Variants in NAA15 observed in about 807,000 individuals in gnomAD.
NAA15 encodes N-alpha-acetyltransferase 15, NatA auxiliary subunit.
Under a neutral mutation model 114.0 loss-of-function variants are expected in NAA15, and 34 were observed. That is an observed-to-expected ratio of 0.30 (90% CI 0.23 to 0.40). NAA15 has a LOEUF of 0.40. Among genes scored for constraint, NAA15 ranks in the 10% least tolerant of loss-of-function variants. The pLI is 1.00. For missense variants in NAA15, 658 were observed against 1,004.5 expected (o/e 0.66, Z 4.66); for synonymous variants, 340 against 338.0 (o/e 1.01, Z -0.06).
intron 17 of NAA15, among the ~76,000 whole-genome samples, chr4:139,381,635 C>G (rs17050755): frequency 6.6e-6 from 1 of 151,762 alleles, no homozygotes; most frequent in Non-Finnish European, 1.5e-5. Flanking sequence ...TAATCACTTA[C>G]TCGGTTGTAC....
chr4:139,349,499 T>C lies in NAA15; in HGVS notation c.729T>C (p.Ala243=). The change falls in exon 7 of 20, where the codon GCT becomes GCC. Residue 243 remains alanine (A), a synonymous_variant. Coordinates refer to ENST00000296543, the MANE Select transcript of NAA15 (RefSeq NM_057175.5). ...TGCAACTATGTCGTTTGGAAGATGC[T>C]GCAGATGTTTATAGAGGATTGCAAG... ...LLLQLCRLED[A]ADVYRGLQER... 1 of 1,610,556 alleles carries C rather than the reference T, an allele frequency of 6.2e-7. No individual in the cohort carries two copies. Among genetic ancestry groups the C allele is most frequent in the Non-Finnish European group, 8.5e-7 (1 of 1,178,960 alleles).
At chr4:139,309,906 T>C (rs1280690732) in intron 1 of NAA15, among the ~76,000 whole-genome samples, 3 of 152,212 alleles carry the variant, frequency 2.0e-5, no homozygotes, top group East Asian at 3.9e-4. Flanking sequence ...TCCTGGGTCA[T>C]TATTGGGGCT....
At chr4:139,386,972 A>G (rs566424544) in intron 19 of NAA15, among the ~76,000 whole-genome samples, 2 of 152,350 alleles carry the variant, frequency 1.3e-5, no homozygotes, top group East Asian at 3.9e-4. Context: ...TAGCTACCTC[A>G]TGTTATAATT....
chr4:139,337,360 A>G (rs1229539112), intron 3 of NAA15, among the ~76,000 whole-genome samples: 3 of 152,222 alleles, frequency 2.0e-5, no homozygotes, highest in African/African-American at 7.2e-5. Context: ...ACCCTGGTTT[A>G]GAGCACAAGC....
intron 15 of NAA15, among the ~76,000 whole-genome samples, 163 bp from the exon 16 acceptor site, chr4:139,376,202 C>A (rs1748576158): frequency 6.6e-6 from 1 of 152,074 alleles, no homozygotes; most frequent in South Asian, 2.1e-4. Context: ...TTCTAGAATT[C>A]AAAATCCCCT....
intron 17 of NAA15, among the ~76,000 whole-genome samples, 195 bp from the exon 18 acceptor site, chr4:139,384,636 TC>T (rs1242886271): frequency 6.6e-6 from 1 of 151,968 alleles, no homozygotes; most frequent in East Asian, 1.9e-4. Flanking sequence ...ACACCTGAAG[TC>T]CCAGCTACCT....
intron 11 of NAA15, among the ~76,000 whole-genome samples, chr4:139,359,005 T>C (rs1395950809): frequency 6.6e-6 from 1 of 151,222 alleles, no homozygotes; most frequent in Non-Finnish European, 1.5e-5. Flanking sequence ...CTCGGGAGGC[T>C]GAGGCAGGAG....
At position 139,361,826 on chromosome 4, in the gene NAA15, C is replaced by G; in HGVS notation, c.1642C>G (p.Leu548Val). Residue 548 changes from leucine to valine, a missense_variant, in exon 14 of 20, where the codon CTT (leucine) becomes GTT (valine). Around this residue, in one of 6 missense-constraint regions of NAA15, gnomAD observed 275 missense variants for 371.1 expected, o/e 0.74. Coordinates refer to ENST00000296543, the MANE Select transcript of NAA15 (RefSeq NM_057175.5). ...GGACTTATTAAAACTAGAAGATGTA[C>G]TTCGACAGCATCCATTTTACTTCAA... ...YVDLLKLEDV[L>V]RQHPFYFKAA... The G allele has an allele frequency of 6.2e-7, 1 of 1,613,280 alleles. No individual in the cohort carries two copies. The highest frequency in any genetic ancestry group is 8.5e-7 in the Non-Finnish European group (1 of 1,179,436).
chr4:139,313,879 A>T (rs1398615680), intron 1 of NAA15, among the ~76,000 whole-genome samples: 1 of 151,902 alleles, frequency 6.6e-6, no homozygotes, highest in African/African-American at 2.4e-5. Flanking sequence ...AGGTAATTCC[A>T]CTGTATCGGG....
chr4:139,358,552 T>C (rs1043527913), intron 11 of NAA15, among the ~76,000 whole-genome samples: 3 of 152,030 alleles, frequency 2.0e-5, no homozygotes, highest in Admixed American at 2.0e-4. Flanking sequence ...TATTTTTAGA[T>C]TTTTTAAAAA....
chr4:139,317,788 A>G (rs1579087748), intron 1 of NAA15, among the ~76,000 whole-genome samples: 2 of 152,192 alleles, frequency 1.3e-5, no homozygotes, highest in East Asian at 1.9e-4. Context: ...GTTTTACCCC[A>G]TTGTTCTCTC....
intron 15 of NAA15, among the ~76,000 whole-genome samples, chr4:139,370,898 C>T (rs1025719230): frequency 2.0e-5 from 3 of 152,146 alleles, no homozygotes; most frequent in Non-Finnish European, 4.4e-5. Flanking sequence ...CTCCCATTTA[C>T]CTCTGTTGTC....
At chr4:139,380,186 T>C (rs1159408006) in intron 17 of NAA15, among the ~76,000 whole-genome samples, 3 of 152,036 alleles carry the variant, frequency 2.0e-5, no homozygotes, top group African/African-American at 7.2e-5. Context: ...ATGAAAGTAA[T>C]AATGTAACCA....
chr4:139,361,201 C>T (rs1008907081), intron 13 of NAA15, among the ~76,000 whole-genome samples: 4 of 151,994 alleles, frequency 2.6e-5, no homozygotes, highest in Non-Finnish European at 4.4e-5. Flanking sequence ...GTATAGAATA[C>T]CAAAGCTTAG....
chr4:139,329,659 G>C (rs541384015), intron 1 of NAA15, among the ~76,000 whole-genome samples: 1 of 152,360 alleles, frequency 6.6e-6, no homozygotes, highest in African/African-American at 2.4e-5. Flanking sequence ...CATGTGGGCT[G>C]TGAGAATTGT....
Position 139,361,860 on chromosome 4 carries a change from G to T in NAA15, c.1676G>T (p.Arg559Ile), listed in dbSNP as rs1297402311. 2 of 1,613,748 alleles carry T rather than the reference G, an allele frequency of 1.2e-6. No individual in the cohort carries two copies. The highest frequency in any genetic ancestry group is 4.5e-5 in the East Asian group (2 of 44,782). ...CATCCATTTTACTTCAAGGCAGCAAGAATTGCTATAGAGATCTATTTGAAG... is the reference window on the plus strand; with the variant it reads ...CATCCATTTTACTTCAAGGCAGCAATAATTGCTATAGAGATCTATTTGAAG... ...RQHPFYFKAA[R>I]IAIEIYLKLH... Residue 559 changes from arginine (R) to isoleucine (I), a missense_variant, in exon 14 of 20, where the codon AGA becomes ATA. Physicochemically the swap from Arg to Ile is moderately conservative, Grantham distance 97. Coordinates refer to ENST00000296543, the MANE Select transcript of NAA15 (RefSeq NM_057175.5).
chr4:139,372,002 G>T (rs895377826), intron 15 of NAA15, among the ~76,000 whole-genome samples: 1 of 152,064 alleles, frequency 6.6e-6, no homozygotes, highest in Non-Finnish European at 1.5e-5. Flanking sequence ...TGCAAGCTCC[G>T]CCTCCCAGGT....
intron 15 of NAA15, 97 bp downstream of exon 15, chr4:139,370,501 G>T: frequency 1.7e-6 from 2 of 1,174,244 alleles, no homozygotes; most frequent in Non-Finnish European, 2.2e-6. Flanking sequence ...AACCTTATGT[G>T]ATATAGGTTT....
intron 4 of NAA15, 104 bp downstream of exon 4, chr4:139,341,173 T>A: frequency 1.2e-6 from 1 of 854,990 alleles, no homozygotes; most frequent in Non-Finnish European, 1.7e-6. Context: ...GAAAATAATT[T>A]AATTGAATTT....
Sources: gnomAD v4.1 joint callset for allele counts (sites outside exome capture counted in the v4.1 genomes callset) on GRCh38, gnomAD v4.1.1 for gene constraint, gnomAD v4.1.1 regional missense constraint, MANE v1.5 for transcripts, NCBI Gene and HGNC (gene_info 2026-07-23, HGNC 2026-07-21) for gene names.